The following TRPC5 variants were observed in gnomAD, a reference collection of about 807,000 sequenced individuals.
TRPC5 encodes the protein transient receptor potential cation channel subfamily C member 5.
In TRPC5, 9 loss-of-function variants were observed where a neutral mutation model predicts 56.5. That is an observed-to-expected ratio of 0.16 (90% CI 0.10 to 0.28). TRPC5 has a LOEUF of 0.28. Ranked by LOEUF, TRPC5 falls within the 10% of genes least tolerant of loss-of-function variation. The pLI is 1.00. For synonymous variants in TRPC5, 282 were observed against 278.5 expected, an observed-to-expected ratio of 1.01 and a Z score of -0.13; for missense variants, 469 against 748.9, an observed-to-expected ratio of 0.63 and a Z score of 4.36.
intron 3 of TRPC5, among the ~76,000 whole-genome samples, chrX:111,892,867 C>T: frequency 9.0e-6 from 1 of 111,633 alleles, no homozygotes; most frequent in Non-Finnish European, 1.9e-5. Flanking sequence ...ATACTATTTC[C>T]TAGATCCTGG....
intron 1 of TRPC5, among the ~76,000 whole-genome samples, chrX:111,967,676 A>T (rs1436121608): frequency 9.0e-6 from 1 of 110,704 alleles, no homozygotes; most frequent in Non-Finnish European, 1.9e-5. Flanking sequence ...CCACATATCT[A>T]CAACCATCTG....
At chrX:112,074,611 TCTCCTGGAAGTAC>T (rs1271267072) in intron 1 of TRPC5, among the ~76,000 whole-genome samples, 1 of 111,463 alleles carries the variant, frequency 9.0e-6, no homozygotes, top group Non-Finnish European at 1.9e-5. Flanking sequence ...CCCCACTCTA[TCTCCTGGAAGTAC>T]CTGCCTGTTT....
intron 3 of TRPC5, among the ~76,000 whole-genome samples, chrX:111,866,876 T>C (rs1923565338): frequency 8.9e-6 from 1 of 112,148 alleles, no homozygotes; most frequent in Admixed American, 9.5e-5. Flanking sequence ...CAGAATAGAA[T>C]TTGACTTGCT....
intron 1 of TRPC5, among the ~76,000 whole-genome samples, chrX:112,036,075 G>A (rs1929732881): frequency 9.0e-6 from 1 of 110,854 alleles, no homozygotes; most frequent in Non-Finnish European, 1.9e-5. Flanking sequence ...AGCCCAGAAA[G>A]CAGCCAGATG....
rs1352752702 is a variant in TRPC5, at chrX:111,821,389, TAAAGA to T, written c.1896+13527_1896+13531del. 3.6e-5 allele frequency among the ~76,000 whole-genome samples: 4 copies of T among 112,066 alleles called. No individual in the cohort carries two copies. The East Asian group carries it at 1.1e-3, about 31-fold the overall frequency. On this transcript the variant is annotated intron_variant, in intron 7 of 10. Transcript: ENST00000262839. ...TTAGATTTTTTTCTATTTCCTCTTTTAAAGAAAAGCGGATTTACCTTGACAGCTGA... is the reference window on the plus strand; with the variant it reads ...TTAGATTTTTTTCTATTTCCTCTTTTAAAGCGGATTTACCTTGACAGCTGA...
chrX:112,039,776 G>T (rs1929847280), intron 1 of TRPC5, among the ~76,000 whole-genome samples: 1 of 111,840 alleles, frequency 8.9e-6, no homozygotes, highest in Admixed American at 9.5e-5. Flanking sequence ...GATCTCTGCT[G>T]AATCAGAGTC....
intron 1 of TRPC5, among the ~76,000 whole-genome samples, chrX:112,061,705 A>G (rs747467262): frequency 9.0e-6 from 1 of 111,359 alleles, no homozygotes; most frequent in Non-Finnish European, 1.9e-5. Context: ...AAACGTCTGT[A>G]TGTGTGTGTG....
At chrX:111,928,161 C>T (rs926050592) in intron 2 of TRPC5, among the ~76,000 whole-genome samples, 1 of 111,527 alleles carries the variant, frequency 9.0e-6, no homozygotes, top group Non-Finnish European at 1.9e-5. Flanking sequence ...GTTTCATGGC[C>T]ATGACTGTGC....
intron 1 of TRPC5, among the ~76,000 whole-genome samples, chrX:112,020,839 AGACACTGGG>A (rs1929254628): frequency 9.1e-6 from 1 of 109,696 alleles, no homozygotes; most frequent in Non-Finnish European, 1.9e-5. Flanking sequence ...CCAAGGATTC[AGACACTGGG>A]GATAATTTTT....
At chrX:111,979,677 C>G (rs1270650697) in intron 1 of TRPC5, among the ~76,000 whole-genome samples, 1 of 111,519 alleles carries the variant, frequency 9.0e-6, no homozygotes, top group African/African-American at 3.3e-5. Context: ...AAAGATACTT[C>G]ACCAAAAAGG....
intron 1 of TRPC5, among the ~76,000 whole-genome samples, chrX:112,020,540 T>G (rs1929246575): frequency 8.9e-6 from 1 of 112,215 alleles, no homozygotes; most frequent in East Asian, 2.8e-4. Flanking sequence ...TTCTTAGGCC[T>G]GAATGTAAAA....
In TRPC5 at chrX:111,951,921, G is replaced by C. The variant is rs909695465; in HGVS notation, c.378+122C>G. 16 of 1,024,448 alleles carry C rather than the reference G, an allele frequency of 1.6e-5. 1 individual carries two copies. Among genetic ancestry groups the C allele is most frequent in the East Asian group, 1.2e-4 (4 of 32,662 alleles). 84.4% of individuals were successfully genotyped at this position (1,024,448 alleles called of 1,213,427 possible). A position where few individuals can be genotyped will look rare whatever the true frequency, so the allele number is the denominator to read the frequency against. On this transcript the variant is annotated intron_variant, in intron 2 of 10. Transcript: ENST00000262839. ...CTCCAGGATGCTACCTGAGATCACT[G>C]GTGCAATTTCTGAGATAGGGCATCT... is the stretch of plus-strand genomic sequence containing the variant.
chrX:111,862,645 G>A (rs752471792), intron 3 of TRPC5, among the ~76,000 whole-genome samples: 63 of 111,828 alleles, frequency 5.6e-4, no homozygotes, highest in African/African-American at 1.8e-3. Context: ...AATTGCATTC[G>A]TTTGCATGTG....
intron 2 of TRPC5, among the ~76,000 whole-genome samples, chrX:111,940,230 C>CTT (rs201634325): frequency 0.1 from 11,110 of 111,170 alleles, 539 homozygotes; most frequent in African/African-American, 0.19. Flanking sequence ...CAGAATACCT[C>CTT]GTTATTTATT....
At chrX:111,901,892 G>T (rs775600890) in intron 3 of TRPC5, 95 of 1,150,588 alleles carry the variant, frequency 8.3e-5, no homozygotes, top group Admixed American at 2.6e-4. Flanking sequence ...TGGACTTGTT[G>T]CTTGTGTAGC....
At chrX:111,944,754 C>T (rs1393926643) in intron 2 of TRPC5, among the ~76,000 whole-genome samples, 1 of 111,006 alleles carries the variant, frequency 9.0e-6, no homozygotes, top group Non-Finnish European at 1.9e-5. Flanking sequence ...ACAACAGAGG[C>T]AGAGATTGTA....
At chrX:111,909,062 T>G (rs1489696627) in intron 3 of TRPC5, among the ~76,000 whole-genome samples, 1 of 108,024 alleles carries the variant, frequency 9.3e-6, no homozygotes, top group Non-Finnish European at 1.9e-5. Context: ...GGTAGGCAGA[T>G]CACTTGAGGT....
chrX:111,867,594 T>C (rs1410627843), intron 3 of TRPC5, among the ~76,000 whole-genome samples: 1 of 111,941 alleles, frequency 8.9e-6, no homozygotes, highest in Non-Finnish European at 1.9e-5. Flanking sequence ...TCAGCCTTCT[T>C]AGTAGACGGT....
chrX:111,909,351 TAAATA>T (rs1925740911), intron 3 of TRPC5, among the ~76,000 whole-genome samples: 3 of 105,974 alleles, frequency 2.8e-5, no homozygotes, highest in Non-Finnish European at 3.9e-5. Context: ...AATAAATAAA[TAAATA>T]AATTAATTAA....
Sources: gnomAD v4.1 joint callset for allele counts (sites outside exome capture counted in the v4.1 genomes callset) on GRCh38, gnomAD v4.1.1 for gene constraint, MANE v1.5 for transcripts, NCBI Gene and HGNC (gene_info 2026-07-23, HGNC 2026-07-21) for gene names.